TNFAIP6: variants seen among roughly 807,000 people sequenced by gnomAD.
TNFAIP6 encodes the protein TNF alpha induced protein 6, also known as tumor necrosis factor-inducible gene 6 protein.
A neutral mutation model predicts 33.7 loss-of-function variants in TNFAIP6; 36 were observed. The observed-to-expected ratio is 1.07, with a 90% CI of 0.82 to 1.41. TNFAIP6 has a LOEUF of 1.41. Among genes scored for constraint, TNFAIP6 ranks in the 40% most tolerant of loss-of-function variants. TNFAIP6 has a pLI of 0.00. For missense variants in TNFAIP6, 273 were observed against 331.9 expected (o/e 0.82, Z 1.38); for synonymous variants, 113 against 112.8 (o/e 1.00, Z -0.01).
At chr2:151,357,956 G>A (rs7607803) in intron 1 of TNFAIP6, among the ~76,000 whole-genome samples, 196 bp downstream of exon 1, 3,415 of 151,438 alleles carry the variant, frequency 0.023, 102 homozygotes, top group African/African-American at 0.067. Flanking sequence ...TTTAAAAATA[G>A]CATTTTATAA....
intron 5 of TNFAIP6, among the ~76,000 whole-genome samples, chr2:151,374,205 T>C (rs924600584): frequency 1.3e-5 from 2 of 152,168 alleles, no homozygotes; most frequent in African/African-American, 4.8e-5. Flanking sequence ...AGACCAGATA[T>C]AATAGGTAGT....
intron 2 of TNFAIP6, among the ~76,000 whole-genome samples, chr2:151,364,498 T>G (rs1170411138): frequency 2.0e-5 from 3 of 152,190 alleles, no homozygotes; most frequent in East Asian, 1.9e-4. Flanking sequence ...AATATTGAAT[T>G]TAGTGGCTTT....
At chr2:151,374,263 C>G (rs1387441399) in intron 5 of TNFAIP6, among the ~76,000 whole-genome samples, 1 of 152,000 alleles carries the variant, frequency 6.6e-6, no homozygotes, top group Non-Finnish European at 1.5e-5. Flanking sequence ...TGACTTTGTT[C>G]CAAGAAATGT....
At chr2:151,374,361 A>C (rs1044854028) in intron 5 of TNFAIP6, among the ~76,000 whole-genome samples, 1 of 152,172 alleles carries the variant, frequency 6.6e-6, no homozygotes, top group Non-Finnish European at 1.5e-5. Context: ...TTTTCTGGCT[A>C]AAAACTTCCT....
chr2:151,370,219 T>A lies in TNFAIP6; in HGVS notation c.594T>A (p.Ser198Arg), dbSNP rs529021144. 6.2e-7 allele frequency: 1 copy of A among 1,614,112 alleles called. No individual in the cohort carries two copies. Among genetic ancestry groups the A allele is most frequent in the South Asian group, 1.1e-5 (1 of 91,084 alleles). ...CLADYVEIYDSYDDVHGFVGR... is the reference protein window; with the variant it reads ...CLADYVEIYDRYDDVHGFVGR... ...CTGATTATGTTGAAATATATGACAGTTACGATGATGTCCATGGCTTTGTGG... is the reference window on the plus strand; with the variant it reads ...CTGATTATGTTGAAATATATGACAGATACGATGATGTCCATGGCTTTGTGG... The change falls in exon 4 of 6, where the codon AGT becomes AGA. Residue 198 changes from serine to arginine, a missense_variant. Transcript: ENST00000243347.
chr2:151,360,624 A>G (rs1684610985), intron 1 of TNFAIP6, among the ~76,000 whole-genome samples: 1 of 152,218 alleles, frequency 6.6e-6, no homozygotes, highest in Non-Finnish European at 1.5e-5. Context: ...ATTGAGAAAT[A>G]TTTTTAATAA....
intron 5 of TNFAIP6, among the ~76,000 whole-genome samples, chr2:151,377,062 G>A (rs920214620): frequency 2.0e-5 from 3 of 151,742 alleles, no homozygotes; most frequent in Non-Finnish European, 4.4e-5. Context: ...TGGTCCTGAA[G>A]TCCTGAATTC....
chr2:151,378,425 G>A (rs1403424179), intron 5 of TNFAIP6, among the ~76,000 whole-genome samples: 2 of 151,620 alleles, frequency 1.3e-5, no homozygotes, highest in South Asian at 2.1e-4. Flanking sequence ...TCCACCCATC[G>A]CTGGTTTGAC....
intron 1 of TNFAIP6, 127 bp from the exon 2 acceptor site, chr2:151,363,816 G>A (rs1395777809): frequency 8.6e-7 from 1 of 1,165,996 alleles, no homozygotes; most frequent in Non-Finnish European, 1.2e-6. Flanking sequence ...GCTACCCAAG[G>A]CAGCCAACCC....
At chr2:151,364,707 C>T (rs996666949) in intron 2 of TNFAIP6, among the ~76,000 whole-genome samples, 1 of 152,208 alleles carries the variant, frequency 6.6e-6, no homozygotes, top group African/African-American at 2.4e-5. Flanking sequence ...GCTACCATCT[C>T]TCTTGGCCTT....
chr2:151,359,527 T>G (rs1684589620), intron 1 of TNFAIP6, among the ~76,000 whole-genome samples: 1 of 151,960 alleles, frequency 6.6e-6, no homozygotes, highest in Non-Finnish European at 1.5e-5. Flanking sequence ...TAGCTGGGAC[T>G]ACAGGCACCC....
intron 1 of TNFAIP6, among the ~76,000 whole-genome samples, chr2:151,359,708 A>C (rs1684594777): frequency 6.6e-6 from 1 of 152,126 alleles, no homozygotes; most frequent in East Asian, 1.9e-4. Context: ...ATAATGTTTT[A>C]AGAAAGTTTA....
chr2:151,373,089 G>A (rs1022260049), intron 4 of TNFAIP6, among the ~76,000 whole-genome samples: 4 of 151,142 alleles, frequency 2.6e-5, no homozygotes, highest in South Asian at 2.1e-4. Flanking sequence ...AAGCTGAGGC[G>A]GGAGGATCAC....
intron 2 of TNFAIP6, 120 bp downstream of exon 2, chr2:151,364,200 A>T: frequency 4.0e-6 from 5 of 1,258,164 alleles, no homozygotes; most frequent in African/African-American, 1.5e-5. Context: ...CTAAGCCCCT[A>T]GGACATTTCT....
At chr2:151,376,598 T>C (rs1227351587) in intron 5 of TNFAIP6, among the ~76,000 whole-genome samples, 1 of 152,168 alleles carries the variant, frequency 6.6e-6, no homozygotes, top group Non-Finnish European at 1.5e-5. Context: ...ACATTATATA[T>C]GTGGAAACTA....
chr2:151,361,458 T>C (rs1405848676), intron 1 of TNFAIP6, among the ~76,000 whole-genome samples: 1 of 152,260 alleles, frequency 6.6e-6, no homozygotes, highest in Non-Finnish European at 1.5e-5. Context: ...GAAAACTTTG[T>C]ATACATTAAA....
At chr2:151,365,978 G>A in intron 2 of TNFAIP6, 78 bp from the exon 3 acceptor site, 1 of 1,378,500 alleles carries the variant, frequency 7.3e-7, no homozygotes, top group Non-Finnish European at 1.0e-6. Context: ...TATTGGAAGT[G>A]GCTATCTTTG....
downstream of TNFAIP6, chr2:151,380,185 A>G (rs949157297): frequency 4.6e-5 from 7 of 152,104 alleles, no homozygotes; most frequent in Admixed American, 6.6e-5. Context: ...GCATTTCTTT[A>G]TTCATGAGAT....
At chr2:151,359,364 G>A (rs1365212445) in intron 1 of TNFAIP6, among the ~76,000 whole-genome samples, 3 of 151,002 alleles carry the variant, frequency 2.0e-5, no homozygotes. Flanking sequence ...ATTGGAAGAA[G>A]AATTGTCTTG....
Sources: allele counts gnomAD v4.1 joint callset (sites outside exome capture counted in the v4.1 genomes callset), GRCh38; gene constraint gnomAD v4.1.1; transcripts MANE v1.5; gene names NCBI Gene and HGNC (gene_info 2026-07-23, HGNC 2026-07-21).